The following SLC5A5 variants were observed in gnomAD, a reference collection of about 807,000 sequenced individuals.
The protein encoded by SLC5A5 is sodium/iodide cotransporter.
SLC5A5 carries 56 observed loss-of-function variants against 68.6 expected under a neutral mutation model. That is an observed-to-expected ratio of 0.82 (90% CI 0.66 to 1.02). SLC5A5 has a LOEUF of 1.02. Among genes scored for constraint, SLC5A5 ranks in the 50% least tolerant of loss-of-function variants. The probability of loss-of-function intolerance (pLI) is 0.00; values close to 1 mark genes in which losing one functional copy is unlikely to be tolerated. For missense variants in SLC5A5, 807 were observed against 859.8 expected (o/e 0.94, Z 0.77); for synonymous variants, 398 against 373.0 (o/e 1.07, Z -0.77).
In SLC5A5 at chr19:17,873,121, G is replaced by A. The variant is rs567919822; in HGVS notation, c.357+445G>A. ...GTTTGGGTTTCCCAGCTGTCCAATGGGCGAATTACAGGACCTCCCTCCAGG... is the reference window on the plus strand; with the variant it reads ...GTTTGGGTTTCCCAGCTGTCCAATGAGCGAATTACAGGACCTCCCTCCAGG... On this transcript the variant is annotated intron_variant, in intron 1 of 14. Coordinates refer to ENST00000222248, the MANE Select transcript of SLC5A5 (RefSeq NM_000453.3). 3.2e-3 allele frequency among the ~76,000 whole-genome samples: 482 copies of A among 152,308 alleles called. 4 individuals are homozygous for A. Among genetic ancestry groups the A allele is most frequent in the African/African-American group, 0.011 (455 of 41,562 alleles).
At chr19:17,892,903 G>T (rs2030243682) in intron 14 of SLC5A5, among the ~76,000 whole-genome samples, 3 of 151,938 alleles carry the variant, frequency 2.0e-5, no homozygotes, top group Admixed American at 6.6e-5. Flanking sequence ...ATTGGGAGGG[G>T]AGGGGTTTGC....
intron 13 of SLC5A5, among the ~76,000 whole-genome samples, chr19:17,889,632 C>G: frequency 6.6e-6 from 1 of 152,098 alleles, no homozygotes; most frequent in East Asian, 1.9e-4. Context: ...GCCAACGTGC[C>G]CGGCTCACAT....
chr19:17,889,216 G>A (rs2030056071), intron 13 of SLC5A5, among the ~76,000 whole-genome samples: 1 of 151,818 alleles, frequency 6.6e-6, no homozygotes, highest in Admixed American at 6.6e-5. Flanking sequence ...GGCCAACATG[G>A]TGAAACCCCG....
intron 8 of SLC5A5, 47 bp from the exon 9 acceptor site, chr19:17,881,913 G>A (rs778578481): frequency 1.3e-4 from 185 of 1,435,688 alleles, no homozygotes; most frequent in East Asian, 4.1e-4. Context: ...TGGTGTGGAC[G>A]GTCTCTCCAT....
At chr19:17,884,495 G>A (rs989052173) in intron 12 of SLC5A5, among the ~76,000 whole-genome samples, 4 of 151,656 alleles carry the variant, frequency 2.6e-5, no homozygotes, top group African/African-American at 9.7e-5. Flanking sequence ...AGGCCAGGCA[G>A]GCACAGTGGC....
chr19:17,880,995 T>A (rs2147739959), intron 8 of SLC5A5, 42 bp downstream of exon 8: 1 of 1,465,720 alleles, frequency 6.8e-7, no homozygotes, highest in Non-Finnish European at 9.6e-7. Flanking sequence ...TTTCAGCCCC[T>A]GGGAGCCTCC....
Position 17,891,020 on chromosome 19 carries a change from TC to T in SLC5A5, c.1767+22del. 1.3e-6 allele frequency: 2 copies of T among 1,534,180 alleles called. No homozygotes were observed. Among genetic ancestry groups the T allele is most frequent in the Non-Finnish European group, 1.8e-6 (2 of 1,107,244 alleles). ...GGTCAAGGTCAGTCTTAGGCTGGGT[TC>T]CCAGATCTAGAGGCAGCCAAGTGAC... is the stretch of plus-strand genomic sequence containing the variant. On this transcript the variant is annotated intron_variant, in intron 14 of 14. Coordinates refer to ENST00000222248, the MANE Select transcript of SLC5A5 (RefSeq NM_000453.3).
chr19:17,876,477 C>T (rs2094307637), intron 5 of SLC5A5, among the ~76,000 whole-genome samples: 1 of 151,872 alleles, frequency 6.6e-6, no homozygotes, highest in South Asian at 2.1e-4. Flanking sequence ...CCTGTAATCC[C>T]AGCACTTTGG....
Position 17,880,973 on chromosome 19 carries a change from C to T in SLC5A5, c.1058+20C>T, listed in dbSNP as rs763176590. On this transcript the variant is annotated intron_variant, in intron 8 of 14. Coordinates refer to ENST00000222248, the MANE Select transcript of SLC5A5 (RefSeq NM_000453.3). The stretch of plus-strand genomic sequence containing the variant: ...CCTCAGGTGAGCACCCCTGCTTGTT[C>T]ATGGAGCATTATTTCAGCCCCTGGG... The T allele has an allele frequency of 2.5e-6, 4 of 1,586,948 alleles. No homozygotes were observed. Among genetic ancestry groups the T allele is most frequent in the Non-Finnish European group, 3.5e-6 (4 of 1,155,372 alleles).
chr19:17,873,892 T>C (rs544235729), intron 1 of SLC5A5, among the ~76,000 whole-genome samples: 1 of 152,302 alleles, frequency 6.6e-6, no homozygotes, highest in South Asian at 2.1e-4. Context: ...CCCGCGCCCG[T>C]CAGGCGCAAG....
chr19:17,876,704 A>T (rs1386431481), intron 5 of SLC5A5, among the ~76,000 whole-genome samples: 1 of 152,194 alleles, frequency 6.6e-6, no homozygotes, highest in African/African-American at 2.4e-5. Context: ...TTTACTAAAA[A>T]TACAAAAATT....
intron 5 of SLC5A5, 28 bp from the exon 6 acceptor site, chr19:17,877,695 G>C: frequency 6.2e-7 from 1 of 1,613,556 alleles, no homozygotes; most frequent in Non-Finnish European, 8.5e-7. Context: ...ACATCTCCAC[G>C]TGGCTAACTT....
At chr19:17,888,186 T>G in intron 12 of SLC5A5, 145 bp from the exon 13 acceptor site, 2 of 972,686 alleles carry the variant, frequency 2.1e-6, no homozygotes, top group Admixed American at 1.9e-5. Context: ...CATTGGCTAC[T>G]GCACAGATCT....
Position 17,894,266 on chromosome 19 carries a change from G to T in SLC5A5, c.*389G>T. On this transcript the variant is annotated 3_prime_UTR_variant, in exon 15 of 15. Coordinates refer to ENST00000222248, the MANE Select transcript of SLC5A5 (RefSeq NM_000453.3). ...AGGCTCAAGTGATTCTCCTGCCTCA[G>T]CCTCTTGAGTAGCTGGGATTGTAGG... is the stretch of plus-strand genomic sequence containing the variant. 4.7e-6 allele frequency: 1 copy of T among 213,796 alleles called. No homozygotes were observed. Among genetic ancestry groups the T allele is most frequent in the Non-Finnish European group, 9.5e-6 (1 of 105,820 alleles). The allele number at this position is 213,796 out of a possible 1,614,324, so 13.2% of individuals were successfully genotyped here. A position where few individuals can be genotyped will look rare whatever the true frequency, so the allele number is the denominator to read the frequency against.
In SLC5A5 at chr19:17,877,720, C is replaced by T. The variant is rs112692690; in HGVS notation, c.699-3C>T. 1.5e-5 allele frequency: 25 copies of T among 1,614,076 alleles called. No homozygotes were observed. In the African/African-American group the frequency reaches 2.0e-4, roughly 13 times the overall value. On this transcript the variant is annotated splice_region_variant and splice_polypyrimidine_tract_variant and intron_variant, in intron 5 of 14. Transcript: ENST00000222248. ...GTGGCTAACTTGCCCTGTCCCCACC[C>T]AGCTTTAACCCTGACCCGAGGAGCC...
rs370248695 is a variant in SLC5A5 at position 17,875,095 on chromosome 19, C to T, written c.543+364C>T. On this transcript the variant is annotated intron_variant, in intron 4 of 14. Transcript: ENST00000222248. The stretch of plus-strand genomic sequence containing the variant: ...GATAATAATAGTAATGGCGGCCGGG[C>T]GCGGTGGCTCACGTCTGTAATCCCA... Among the ~76,000 whole-genome samples, 8 of 152,140 alleles carry T rather than the reference C, an allele frequency of 5.3e-5. No individual in the cohort carries two copies. In the East Asian group the frequency reaches 1.5e-3, roughly 29 times the overall value.
intron 14 of SLC5A5, among the ~76,000 whole-genome samples, chr19:17,893,021 C>CTCTT (rs10643521): frequency 6.9e-6 from 1 of 145,790 alleles, no homozygotes; most frequent in Non-Finnish European, 1.5e-5. Flanking sequence ...CTTTCTCTCT[C>CTCTT]TTTTTTTGTT....
intron 5 of SLC5A5, among the ~76,000 whole-genome samples, chr19:17,876,677 C>A (rs774326963): frequency 2.0e-5 from 3 of 152,132 alleles, no homozygotes; most frequent in African/African-American, 4.8e-5. Flanking sequence ...TCCTGGCCAA[C>A]TTGATGAAAG....
chr19:17,873,527 G>A (rs958862720), intron 1 of SLC5A5, among the ~76,000 whole-genome samples: 1 of 150,184 alleles, frequency 6.7e-6, no homozygotes, highest in African/African-American at 2.5e-5. Flanking sequence ...GGAGGCCGAG[G>A]TGGGTGGATC....
Sources: gnomAD v4.1 joint callset for allele counts (sites outside exome capture counted in the v4.1 genomes callset) on GRCh38, gnomAD v4.1.1 for gene constraint, MANE v1.5 for transcripts, NCBI Gene and HGNC (gene_info 2026-07-23, HGNC 2026-07-21) for gene names.